ARHGAP28: variants seen among roughly 807,000 people sequenced by gnomAD.
ARHGAP28 encodes the protein Rho GTPase activating protein 28.
A neutral mutation model predicts 90.7 loss-of-function variants in ARHGAP28; 56 were observed. That is an observed-to-expected ratio of 0.62 (90% confidence interval 0.50 to 0.77). The LOEUF is 0.77. Ranked by LOEUF, ARHGAP28 falls within the 30% of genes least tolerant of loss-of-function variation. ARHGAP28 has a pLI of 0.00. For missense variants in ARHGAP28, 869 were observed against 900.9 expected, an observed-to-expected ratio of 0.96 and a Z score of 0.45; for synonymous variants, 308 against 323.3, an observed-to-expected ratio of 0.95 and a Z score of 0.51.
intron 1 of ARHGAP28, among the ~76,000 whole-genome samples, chr18:6,761,216 G>C (rs1048022392): frequency 4.6e-5 from 7 of 152,204 alleles, no homozygotes; most frequent in South Asian, 2.1e-4. Flanking sequence ...GCGAGCTCCT[G>C]AGTTACTCTT....
intron 1 of ARHGAP28, among the ~76,000 whole-genome samples, chr18:6,818,211 G>T (rs187582225): frequency 6.6e-5 from 10 of 152,262 alleles, no homozygotes; most frequent in Admixed American, 2.0e-4. Flanking sequence ...GCTGTAGCCC[G>T]CATTCAAACC....
At chr18:6,901,540 TA>T (rs57305269) in intron 16 of ARHGAP28, among the ~76,000 whole-genome samples, 39,798 of 132,248 alleles carry the variant, frequency 0.3, 5,462 homozygotes, top group African/African-American at 0.38. Context: ...CTTGATATGA[TA>T]AAAAAAAAAA....
intron 16 of ARHGAP28, among the ~76,000 whole-genome samples, chr18:6,908,505 GA>G (rs2143859661): frequency 6.6e-6 from 1 of 152,324 alleles, no homozygotes; most frequent in African/African-American, 2.4e-5. Flanking sequence ...TGCAAAGCTT[GA>G]GGCAAACTGA....
intron 2 of ARHGAP28, among the ~76,000 whole-genome samples, chr18:6,831,471 G>GTTTTTTTTTTTTTTCTTT (rs2056714365): frequency 4.6e-5 from 5 of 109,308 alleles, no homozygotes; most frequent in South Asian, 3.0e-4. Flanking sequence ...GTATCTTGAT[G>GTTTTTTTTTTTTTTCTTT]TTTTTTTTTT....
chr18:6,807,935 G>T (rs1385999912), intron 1 of ARHGAP28, among the ~76,000 whole-genome samples: 1 of 152,196 alleles, frequency 6.6e-6, no homozygotes, highest in African/African-American at 2.4e-5. Flanking sequence ...ATAAACTGGG[G>T]CTATTGTAGG....
At chr18:6,832,665 A>G (rs2056725210) in intron 2 of ARHGAP28, among the ~76,000 whole-genome samples, 2 of 152,132 alleles carry the variant, frequency 1.3e-5, no homozygotes, top group South Asian at 4.1e-4. Flanking sequence ...CAATACTCTT[A>G]GTAATATTCC....
chr18:6,758,045 G>A (rs539782269), intron 1 of ARHGAP28, among the ~76,000 whole-genome samples: 1 of 152,228 alleles, frequency 6.6e-6, no homozygotes, highest in East Asian at 1.9e-4. Flanking sequence ...CCTTTTTTGT[G>A]CTGTATTAAA....
At chr18:6,876,496 G>A (rs2057132121) in intron 10 of ARHGAP28, among the ~76,000 whole-genome samples, 1 of 151,852 alleles carries the variant, frequency 6.6e-6, no homozygotes, top group Admixed American at 6.6e-5. Flanking sequence ...AAATGAAATA[G>A]CACATCAATT....
intron 3 of ARHGAP28, among the ~76,000 whole-genome samples, chr18:6,843,150 G>A (rs1040821164): frequency 6.6e-6 from 1 of 151,878 alleles, no homozygotes; most frequent in Admixed American, 6.6e-5. Context: ...TTTAGTAGGC[G>A]CTCAGCATGG....
At chr18:6,814,652 G>A (rs2056578438) in intron 1 of ARHGAP28, among the ~76,000 whole-genome samples, 1 of 152,104 alleles carries the variant, frequency 6.6e-6, no homozygotes, top group African/African-American at 2.4e-5. Flanking sequence ...GGAATGGGGG[G>A]CTCACTTTTA....
At chr18:6,763,242 C>G (rs1035444482) in intron 1 of ARHGAP28, among the ~76,000 whole-genome samples, 2 of 152,098 alleles carry the variant, frequency 1.3e-5, no homozygotes, top group Non-Finnish European at 2.9e-5. Context: ...ACCACCGTGC[C>G]TGCCTAATTT....
At chr18:6,826,116 T>TG (rs1555629708) in intron 2 of ARHGAP28, among the ~76,000 whole-genome samples, 8 of 79,318 alleles carry the variant, frequency 1.0e-4, no homozygotes, top group South Asian at 4.8e-4. Context: ...GCATTGCCAG[T>TG]GTTTTTTTTT....
intron 1 of ARHGAP28, among the ~76,000 whole-genome samples, chr18:6,815,610 C>T (rs1223002422): frequency 6.6e-6 from 1 of 152,066 alleles, no homozygotes; most frequent in Non-Finnish European, 1.5e-5. Context: ...CTCCATCTCT[C>T]CCTCCCTCAG....
intron 1 of ARHGAP28, among the ~76,000 whole-genome samples, chr18:6,758,205 C>T (rs2056128080): frequency 6.6e-6 from 1 of 152,138 alleles, no homozygotes; most frequent in Non-Finnish European, 1.5e-5. Context: ...GGCAAACATA[C>T]TATAATAAAA....
At chr18:6,869,002 T>G (rs2057060347) in intron 6 of ARHGAP28, among the ~76,000 whole-genome samples, 1 of 152,082 alleles carries the variant, frequency 6.6e-6, no homozygotes, top group African/African-American at 2.4e-5. Flanking sequence ...AGAAGGGACT[T>G]GCCAGACATT....
chr18:6,911,008 C>G (rs1161964344), intron 17 of ARHGAP28, among the ~76,000 whole-genome samples: 3 of 152,042 alleles, frequency 2.0e-5, no homozygotes, highest in African/African-American at 7.2e-5. Flanking sequence ...CCACGCCCGG[C>G]TAATTTTGCT....
At chr18:6,767,186 T>C (rs1379313947) in intron 1 of ARHGAP28, among the ~76,000 whole-genome samples, 1 of 152,190 alleles carries the variant, frequency 6.6e-6, no homozygotes, top group Non-Finnish European at 1.5e-5. Context: ...CTTATCACAT[T>C]CCACCTTTGA....
chr18:6,757,812 C>T (rs2056124008), intron 1 of ARHGAP28, among the ~76,000 whole-genome samples: 1 of 152,080 alleles, frequency 6.6e-6, no homozygotes. Context: ...TTTCCAGCAT[C>T]CAGTAGAATA....
chr18:6,865,654 T>G (rs776554191), intron 5 of ARHGAP28, among the ~76,000 whole-genome samples: 2 of 152,144 alleles, frequency 1.3e-5, no homozygotes, highest in Non-Finnish European at 2.9e-5. Context: ...GCATTGAAAA[T>G]GTTTCGTATG....
Sources: allele counts gnomAD v4.1 joint callset (sites outside exome capture counted in the v4.1 genomes callset), GRCh38; gene constraint gnomAD v4.1.1; transcripts MANE v1.5; gene names NCBI Gene and HGNC (gene_info 2026-07-23, HGNC 2026-07-21).